BICDL2: variants seen among roughly 807,000 people sequenced by gnomAD.
BICDL2 encodes the protein BICD family like cargo adaptor 2.
BICDL2 carries 62 observed loss-of-function variants against 56.6 expected under a neutral mutation model. That is an observed-to-expected ratio of 1.10 (90% confidence interval 0.89 to 1.35). The LOEUF is 1.35. Ranked by LOEUF, BICDL2 falls within the 40% of genes most tolerant of loss-of-function variation. The pLI, the probability that BICDL2 is intolerant of heterozygous loss-of-function variation, is 0.00. For missense variants in BICDL2, 808 were observed against 684.5 expected (o/e 1.18, Z -2.01); for synonymous variants, 358 against 319.8 (o/e 1.12, Z -1.27).
rs1028226153 is a variant in BICDL2 at position 3,027,825 on chromosome 16, C to T, written c.*281G>A. ...TATATTACTCTGTCCGATCTTGATA[C>T]ATAAATACCCAGCCCCATCCCTGCC... On this transcript the variant is annotated 3_prime_UTR_variant, in exon 10 of 10. Transcript: ENST00000572449. 1 of 849,294 alleles carries T rather than the reference C, an allele frequency of 1.2e-6. No individual in the cohort carries two copies. The highest frequency in any genetic ancestry group is 1.7e-5 in the African/African-American group (1 of 57,262). 52.6% of individuals were successfully genotyped at this position (849,294 alleles called of 1,614,324 possible). A position where few individuals can be genotyped will look rare whatever the true frequency, so the allele number is the denominator to read the frequency against.
intron 7 of BICDL2, 108 bp downstream of exon 7, chr16:3,029,172 C>A (rs1596481156): frequency 1.4e-6 from 2 of 1,399,844 alleles, no homozygotes; most frequent in Non-Finnish European, 9.7e-7. Context: ...AGATGAAAGC[C>A]GATCCAGGTA....
In BICDL2 at chr16:3,029,432, G is replaced by A. The variant is rs759075114; in HGVS notation, c.958-3C>T. 10 of 1,601,396 alleles carry A rather than the reference G, an allele frequency of 6.2e-6. No homozygotes were observed. In the Admixed American group the frequency reaches 1.7e-4, roughly 27 times the overall value. ...CGGGTCTTTGGGGACCGGGTGGTCTGTGGGCCAAAGAAATGGGTTAGTGGT... is the reference window on the plus strand; with the variant it reads ...CGGGTCTTTGGGGACCGGGTGGTCTATGGGCCAAAGAAATGGGTTAGTGGT... On this transcript the variant is annotated splice_polypyrimidine_tract_variant and splice_region_variant and intron_variant, in intron 6 of 9. Transcript: ENST00000572449.
At chr16:3,031,599 AGCCCCGC>A (rs1273105746) in intron 2 of BICDL2, 3 of 407,334 alleles carry the variant, frequency 7.4e-6, no homozygotes, top group African/African-American at 6.1e-5. Flanking sequence ...AACCCTGGTC[AGCCCCGC>A]CCTGGCCCAA....
chr16:3,029,870 C>G, intron 5 of BICDL2, 131 bp from the exon 6 acceptor site: 1 of 757,686 alleles, frequency 1.3e-6, no homozygotes, highest in Non-Finnish European at 2.0e-6. Context: ...GTTCCCGTTC[C>G]TGGATCGCTG....
At position 3,028,456 on chromosome 16, in the gene BICDL2, C is replaced by G. The variant is rs2151138889; in HGVS notation, c.1251G>C (p.Leu417=). ...RDEAVNKALE[L]SLQLNRVSLE... is the part of the protein sequence containing the mutation. ...GCGAGACGCGGTTGAGCTGCAGGGA[C>G]AGCTCCAGGGCCCTAGGCGGGCAGG... The change falls in exon 9 of 10, where the codon CTG becomes CTC. Residue 417 remains leucine, a synonymous_variant. Coordinates refer to ENST00000572449, the MANE Select transcript of BICDL2 (RefSeq NM_001369667.1). 1.9e-6 allele frequency: 3 copies of G among 1,570,422 alleles called. No individual in the cohort carries two copies. In the South Asian group the frequency reaches 3.4e-5, roughly 18 times the overall value.
At chr16:3,035,191 C>CCCCCCCCCCCCCCCCCCCCCCCCCCCT in intron 2 of BICDL2, 24 bp downstream of exon 2, 1 of 263,166 alleles carries the variant, frequency 3.8e-6, no homozygotes, top group South Asian at 3.5e-5. Context: ...ACCCACCCAC[C>CCCCCCCCCCCCCCCCCCCCCCCCCCCT]CACCCCGTCC....
chr16:3,035,176 T>TTGGCCCCGGGGGGGGGGGGGG, intron 2 of BICDL2, 39 bp downstream of exon 2: 2 of 136,274 alleles, frequency 1.5e-5, no homozygotes, highest in Non-Finnish European at 2.7e-5. Flanking sequence ...CGTCCTCCCC[T>TTGGCCCCGGGGGGGGGGGGGG]GCCCACCCAC....
Position 3,029,296 on chromosome 16 carries a change from G to A in BICDL2, c.1091C>T (p.Ala364Val), listed in dbSNP as rs1955613203. 7.4e-6 allele frequency: 12 copies of A among 1,611,458 alleles called. No homozygotes were observed. Among genetic ancestry groups the A allele is most frequent in the Non-Finnish European group, 9.3e-6 (11 of 1,179,290 alleles). ...CTGCCCCACCTCATCTTGCAGCTTG[G>A]CCACTTCCACCTCCTTCTCCTCCAG... The part of the protein sequence containing the change: ...EILEEKEVEV[A>V]KLQDEISLQQ... Residue 364 changes from alanine to valine, a missense_variant, in exon 7 of 10, where the codon GCC becomes GTC. Ala to Val is a moderately conservative substitution (Grantham distance 64). Coordinates refer to ENST00000572449, the MANE Select transcript of BICDL2 (RefSeq NM_001369667.1).
Position 3,035,176 on chromosome 16 carries a change from T to TTC in BICDL2, c.282+38_282+39insGA. ...CTCTCCAGGCCCACCCGTCCTCCCC[T>TTC]GCCCACCCACCCACCCACCCCGTCC... On this transcript the variant is annotated intron_variant, in intron 2 of 9. Transcript: ENST00000572449. 8 of 136,274 alleles carry TTC rather than the reference T, an allele frequency of 5.9e-5. 1 individual carries two copies. Among genetic ancestry groups the TTC allele is most frequent in the Non-Finnish European group, 6.8e-5 (5 of 73,714 alleles). 8.4% of individuals were successfully genotyped at this position (136,274 alleles called of 1,614,324 possible).
At position 3,027,861 on chromosome 16, in the gene BICDL2, T is replaced by C. The variant is rs184555501; in HGVS notation, c.*245A>G. ...AGCCCCATCCCTGCCCTAGAAAAGA[T>C]AGACGTATATTAATTCGGAAAATAG... On this transcript the variant is annotated 3_prime_UTR_variant, in exon 10 of 10. Transcript: ENST00000572449. The C allele has an allele frequency of 2.9e-4, 241 of 820,952 alleles. 1 individual carries two copies. In the South Asian group the frequency reaches 3.7e-3, roughly 13 times the overall value. The allele number at this position is 820,952 out of a possible 1,614,324, so 50.9% of individuals were successfully genotyped here. A position where few individuals can be genotyped will look rare whatever the true frequency, so the allele number is the denominator to read the frequency against.
intron 2 of BICDL2, among the ~76,000 whole-genome samples, chr16:3,034,706 C>T (rs1483792852): frequency 6.9e-6 from 1 of 144,510 alleles, no homozygotes; most frequent in Non-Finnish European, 1.5e-5. Context: ...TTCCTTCCTT[C>T]CTTCCTTTTT....
At chr16:3,033,881 T>C (rs1359656228) in intron 2 of BICDL2, among the ~76,000 whole-genome samples, 1 of 151,974 alleles carries the variant, frequency 6.6e-6, no homozygotes, top group Non-Finnish European at 1.5e-5. Flanking sequence ...CAGCAGGTGA[T>C]GGGGGCATGG....
In BICDL2 at chr16:3,029,736, C is replaced by G. The variant is rs1228782706; in HGVS notation, c.766G>C (p.Glu256Gln). The G allele has an allele frequency of 2.0e-6, 3 of 1,521,474 alleles. No homozygotes were observed. The highest frequency in any genetic ancestry group is 5.0e-5 in the East Asian group (2 of 40,384). 94.2% of individuals were successfully genotyped at this position (1,521,474 alleles called of 1,614,324 possible). A position where few individuals can be genotyped will look rare whatever the true frequency, so the allele number is the denominator to read the frequency against. ...RERREHSLEL[E>Q]RARSEAGEAL... ...TCCCCAGCCTCTGACCGTGCGCGTTCCAGCTGTGGACGGTCCCGCAGACGG... is the reference window on the plus strand; with the variant it reads ...TCCCCAGCCTCTGACCGTGCGCGTTGCAGCTGTGGACGGTCCCGCAGACGG... The change falls in exon 6 of 10, where the codon GAA (glutamate) becomes CAA (glutamine). Residue 256 changes from glutamate (E) to glutamine (Q), a missense_variant. Transcript: ENST00000572449.
rs1217384662 is a variant in BICDL2, at chr16:3,035,303, GC to G, written c.193del (p.Ala65ArgfsTer21). 6.4e-7 allele frequency: 1 copy of G among 1,565,278 alleles called. No individual in the cohort carries two copies. Among genetic ancestry groups the G allele is most frequent in the Non-Finnish European group, 8.7e-7 (1 of 1,155,378 alleles). ...QQKEKDLLLA[A>X]ELGKMLLERN... ...CTCCAGAAGCATCTTGCCGAGCTCC[GC>G]GGCCAACAGCAGGTCTTTCTCCTTC... On this transcript the variant is annotated frameshift_variant, in exon 2 of 10. Transcript: ENST00000572449. LOFTEE classifies it high-confidence loss of function.
intron 9 of BICDL2, 22 bp downstream of exon 9, chr16:3,028,326 G>A (rs1278096772): frequency 3.9e-6 from 4 of 1,024,400 alleles, no homozygotes; most frequent in South Asian, 1.3e-5. Flanking sequence ...GCCCCGCCCC[G>A]CACACGGGCC....
chr16:3,028,146 G>C lies in BICDL2; in HGVS notation c.1487C>G (p.Pro496Arg). The change falls in exon 10 of 10, where the codon CCC (proline) becomes CGC (arginine). Residue 496 changes from proline to arginine, a missense_variant. By Grantham distance (103) the Pro-to-Arg change is moderately radical. Transcript: ENST00000572449. ...PRFSLRLGPG[P>R]AGGFLSNLFR... ...GAGGTTACTGAGAAAGCCACCGGCGGGCCCGGGGCCCAGGCGCAGCGAGAA... is the reference window on the plus strand; with the variant it reads ...GAGGTTACTGAGAAAGCCACCGGCGCGCCCGGGGCCCAGGCGCAGCGAGAA... The C allele has an allele frequency of 2.1e-6, 3 of 1,439,930 alleles. No individual in the cohort carries two copies. The highest frequency in any genetic ancestry group is 3.0e-5 in the South Asian group (2 of 66,574). 89.2% of individuals were successfully genotyped at this position (1,439,930 alleles called of 1,614,324 possible).
At chr16:3,036,378 G>A (rs1454284365) in intron 1 of BICDL2, 2 of 450,412 alleles carry the variant, frequency 4.4e-6, no homozygotes, top group Admixed American at 2.4e-5. Context: ...CGGCTCAGGG[G>A]CTGGGGTTCA....
intron 1 of BICDL2, chr16:3,036,258 G>C: frequency 2.2e-6 from 1 of 455,244 alleles, no homozygotes; most frequent in Non-Finnish European, 4.4e-6. Flanking sequence ...TGGGGCCCAG[G>C]ACAGGGCGAG....
At chr16:3,036,613 C>T in intron 1 of BICDL2, 1 of 450,642 alleles carries the variant, frequency 2.2e-6, no homozygotes, top group Non-Finnish European at 4.5e-6. Context: ...CCCGCTCCCC[C>T]GCCCCCCTCC....
Sources: allele counts gnomAD v4.1 joint callset (sites outside exome capture counted in the v4.1 genomes callset), GRCh38; gene constraint gnomAD v4.1.1; transcripts MANE v1.5; gene names NCBI Gene and HGNC (gene_info 2026-07-23, HGNC 2026-07-21).